Variants in C1QTNF7 observed in about 807,000 individuals in gnomAD.
The protein encoded by C1QTNF7 is complement C1q tumor necrosis factor-related protein 7.
A neutral mutation model predicts 19.6 loss-of-function variants in C1QTNF7; 15 were observed. The observed-to-expected ratio is 0.76, with a 90% CI of 0.51 to 1.18. The LOEUF (loss-of-function observed/expected upper bound fraction) is 1.18, where lower values mean the gene tolerates loss of function less well. C1QTNF7 is among the 50% of genes most tolerant of loss of function. The pLI, the probability that C1QTNF7 is intolerant of heterozygous loss-of-function variation, is 0.00. For missense variants in C1QTNF7, 324 were observed against 359.7 expected, an observed-to-expected ratio of 0.90 and a Z score of 0.80; for synonymous variants, 142 against 137.5, an observed-to-expected ratio of 1.03 and a Z score of -0.23.
At chr4:15,351,525 G>A (rs748715338) in intron 1 of C1QTNF7, among the ~76,000 whole-genome samples, 4 of 152,182 alleles carry the variant, frequency 2.6e-5, no homozygotes, top group Non-Finnish European at 4.4e-5. Flanking sequence ...AAATAAAGGA[G>A]AGTAGGAATT....
chr4:15,366,245 T>C (rs1425009039), intron 1 of C1QTNF7, among the ~76,000 whole-genome samples: 1 of 152,224 alleles, frequency 6.6e-6, no homozygotes, highest in East Asian at 1.9e-4. Context: ...AGTTTTAGAC[T>C]GAACTATCCC....
At chr4:15,384,564 A>G (rs930627794) in intron 1 of C1QTNF7, among the ~76,000 whole-genome samples, 1 of 152,170 alleles carries the variant, frequency 6.6e-6, no homozygotes, top group African/African-American at 2.4e-5. Context: ...CTGGAGCCTC[A>G]CCAGCAAAGA....
chr4:15,439,466 T>C (rs186527680), intron 2 of C1QTNF7, among the ~76,000 whole-genome samples: 354 of 152,304 alleles, frequency 2.3e-3, no homozygotes, highest in Non-Finnish European at 4.2e-3. Flanking sequence ...AGCCCTTTCT[T>C]AAAATTCACC....
chr4:15,367,266 G>T (rs149947036), intron 1 of C1QTNF7, among the ~76,000 whole-genome samples: 53 of 152,234 alleles, frequency 3.5e-4, no homozygotes, highest in Non-Finnish European at 5.9e-4. Flanking sequence ...AGAGTGATAT[G>T]AATTTTCTTG....
At chr4:15,408,856 A>G (rs1719299650) in intron 1 of C1QTNF7, among the ~76,000 whole-genome samples, 1 of 152,134 alleles carries the variant, frequency 6.6e-6, no homozygotes, top group East Asian at 1.9e-4. Flanking sequence ...ACCTCCCACC[A>G]CCAAAATTCA....
chr4:15,366,399 C>A (rs1717524317), intron 1 of C1QTNF7, among the ~76,000 whole-genome samples: 1 of 152,114 alleles, frequency 6.6e-6, no homozygotes, highest in African/African-American at 2.4e-5. Context: ...TTTACTGTTG[C>A]TGCATCATGG....
At chr4:15,355,951 G>A (rs555871386) in intron 1 of C1QTNF7, among the ~76,000 whole-genome samples, 1 of 152,034 alleles carries the variant, frequency 6.6e-6, no homozygotes, top group South Asian at 2.1e-4. Flanking sequence ...TCTAACTCCT[G>A]GGCTCAAACA....
upstream of C1QTNF7, chr4:15,339,876 A>C: frequency 2.1e-6 from 1 of 472,586 alleles, no homozygotes; most frequent in Non-Finnish European, 3.8e-6. Context: ...AGCTCTTTGA[A>C]ATGTGAGTAT....
chr4:15,375,982 G>A (rs1560347155), intron 1 of C1QTNF7, among the ~76,000 whole-genome samples: 1 of 152,158 alleles, frequency 6.6e-6, no homozygotes, highest in African/African-American at 2.4e-5. Context: ...AAAGGCTCTA[G>A]GTTACTGTAC....
rs184113730 is a variant in C1QTNF7, at chr4:15,373,756, T to C, written c.13+33549T>C. On this transcript the variant is annotated intron_variant, in intron 1 of 2. Coordinates refer to the C1QTNF7 transcript ENST00000295297. ...CTTGACCTGGATTTCCAAGGTAAAA[T>C]TTTCTCCATATTCTATCTCATTTCC... is the stretch of plus-strand genomic sequence containing the variant. 6 of 152,300 alleles carry C rather than the reference T, an allele frequency of 3.9e-5. No individual in the cohort carries two copies. The East Asian group carries it at 1.2e-3, about 29-fold the overall frequency. 9.4% of individuals were successfully genotyped at this position (152,300 alleles called of 1,614,324 possible). A position where few individuals can be genotyped will look rare whatever the true frequency, so the allele number is the denominator to read the frequency against.
intron 1 of C1QTNF7, among the ~76,000 whole-genome samples, chr4:15,433,266 C>T (rs1004596257): frequency 3.3e-5 from 5 of 152,084 alleles, no homozygotes; most frequent in African/African-American, 1.2e-4. Context: ...AATCCTTCCA[C>T]CTCAGCCTCC....
chr4:15,374,581 T>C (rs766963414), intron 1 of C1QTNF7: 114 of 985,256 alleles, frequency 1.2e-4, no homozygotes, highest in Non-Finnish European at 1.3e-4. Context: ...CCGCTCCCTC[T>C]CTCTGCCACC....
chr4:15,439,315 G>T (rs1031001145), intron 2 of C1QTNF7, among the ~76,000 whole-genome samples: 10 of 152,178 alleles, frequency 6.6e-5, no homozygotes, highest in Non-Finnish European at 5.9e-5. Flanking sequence ...GGCCGTGAAG[G>T]CCTTTTTGTG....
At chr4:15,404,309 GAC>G (rs1344016801) in intron 1 of C1QTNF7, among the ~76,000 whole-genome samples, 8 of 152,176 alleles carry the variant, frequency 5.3e-5, no homozygotes, top group African/African-American at 1.9e-4. Flanking sequence ...GATCCCTGAA[GAC>G]ACAAGCAGTT....
intron 1 of C1QTNF7, among the ~76,000 whole-genome samples, chr4:15,408,732 C>G (rs988538655): frequency 1.3e-5 from 2 of 152,114 alleles, no homozygotes; most frequent in African/African-American, 4.8e-5. Context: ...CAGACTATCT[C>G]ATAGTCTGAA....
At chr4:15,386,502 A>C (rs1718340761) in intron 1 of C1QTNF7, among the ~76,000 whole-genome samples, 1 of 129,328 alleles carries the variant, frequency 7.7e-6, no homozygotes, top group Non-Finnish European at 1.6e-5. Flanking sequence ...AGATGATAAA[A>C]AAAGAAATAC....
intron 2 of C1QTNF7, among the ~76,000 whole-genome samples, chr4:15,436,889 A>G (rs1193357124): frequency 6.6e-6 from 1 of 152,242 alleles, no homozygotes; most frequent in Non-Finnish European, 1.5e-5. Flanking sequence ...GAGTTCTGTA[A>G]AACAAAATCA....
At chr4:15,402,522 T>G (rs1262018847) in intron 1 of C1QTNF7, among the ~76,000 whole-genome samples, 1 of 151,986 alleles carries the variant, frequency 6.6e-6, no homozygotes, top group African/African-American at 2.4e-5. Flanking sequence ...GAAAAGAATA[T>G]AAATGTTATA....
intron 1 of C1QTNF7, among the ~76,000 whole-genome samples, chr4:15,389,688 G>A (rs1225319524): frequency 3.3e-5 from 5 of 152,094 alleles, no homozygotes; most frequent in South Asian, 2.1e-4. Flanking sequence ...CAAAGTGCTC[G>A]GATTACAGGT....
Sources: gnomAD v4.1 joint callset for allele counts (sites outside exome capture counted in the v4.1 genomes callset) on GRCh38, gnomAD v4.1.1 for gene constraint, MANE v1.5 for transcripts, NCBI Gene and HGNC (gene_info 2026-07-23, HGNC 2026-07-21) for gene names.